FBN3: variants seen among roughly 807,000 people sequenced by gnomAD.
FBN3 encodes fibrillin-3.
A neutral mutation model predicts 330.1 loss-of-function variants in FBN3; 234 were observed. The ratio of observed to expected loss-of-function variants is 0.71; its 90% CI spans 0.64 to 0.79. The LOEUF (loss-of-function observed/expected upper bound fraction) is 0.79. Among genes scored for constraint, FBN3 ranks in the 30% least tolerant of loss-of-function variants. FBN3 has a pLI of 0.00. For synonymous variants in FBN3, 1,458 were observed against 1,517.3 expected (o/e 0.96, Z 0.91); for missense variants, 3,606 against 3,886.9 (o/e 0.93, Z 1.92).
chr19:8,072,156 G>C lies in FBN3; in HGVS notation c.7980C>G (p.Asp2660Glu), dbSNP rs764500258. The C allele has an allele frequency of 5.6e-6, 9 of 1,595,916 alleles. No homozygotes were observed. The highest frequency in any genetic ancestry group is 7.7e-6 in the Non-Finnish European group (9 of 1,171,572). ...AGAGCAGCTCCTCTTTGTCCGGGGT[G>C]TCCTGGGGTCCGGGGCTGAAGCCCA... ...SGLGFSPGPQDTPDKEELLSS... is the reference protein window; with the variant it reads ...SGLGFSPGPQETPDKEELLSS... The change falls in exon 63 of 64, where the codon GAC becomes GAG. Residue 2660 changes from aspartate (D) to glutamate (E), a missense_variant. Coordinates refer to ENST00000600128, the MANE Select transcript of FBN3 (RefSeq NM_032447.5).
chr19:8,129,675 C>T lies in FBN3; in HGVS notation c.2045-310G>A, dbSNP rs111880411. Among the ~76,000 whole-genome samples the T allele has an allele frequency of 2.9e-3, 442 of 152,216 alleles. 1 individual carries two copies. The highest frequency in any genetic ancestry group is 0.01 in the African/African-American group (417 of 41,544). On this transcript the variant is annotated intron_variant, in intron 16 of 63. Transcript: ENST00000600128. This position sits in a 1 kb window ranked among gnomAD's most constrained non-coding sequence, Gnocchi z 4.5. ...GCCCCAGTATTACTCCAGACATTGT[C>T]AAATGACCTCGGTGGGGCAGGGGCC...
Position 8,147,156 on chromosome 19 carries a change from G to A in FBN3, c.198C>T (p.Ala66=), listed in dbSNP as rs2083566359. The A allele has an allele frequency of 1.3e-6, 2 of 1,573,338 alleles. No homozygotes were observed. The highest frequency in any genetic ancestry group is 3.7e-5 in the Admixed American group (2 of 53,764). The change falls in exon 3 of 64, where the codon GCC becomes GCT. Residue 66 remains alanine, a synonymous_variant. Coordinates refer to ENST00000600128, the MANE Select transcript of FBN3 (RefSeq NM_032447.5). ...GPNVCGSRFH[A]YCCPGWRTFP... is the part of the protein sequence containing the mutation. ...ATGTCCTCCAGCCTGGACAGCAGTA[G>A]GCATGGAACCGGGAGCCGCACACAT...
At position 8,131,842 on chromosome 19, in the gene FBN3, T is replaced by G. The variant is rs755579765; in HGVS notation, c.1715-13A>C. ...CACTCGTCAATGTCTGCAGAAGCAG[T>G]GGCGGCACGGGGATGGGTTCCAGCG... is the stretch of plus-strand genomic sequence containing the variant. On this transcript the variant is annotated splice_polypyrimidine_tract_variant and intron_variant, in intron 14 of 63. Coordinates refer to ENST00000600128, the MANE Select transcript of FBN3 (RefSeq NM_032447.5). The surrounding 1 kb of genome is among the most constrained non-coding windows in gnomAD (Gnocchi z 4.5). The G allele has an allele frequency of 6.4e-7, 1 of 1,568,686 alleles. No homozygotes were observed. Among genetic ancestry groups the G allele is most frequent in the Non-Finnish European group, 8.7e-7 (1 of 1,152,214 alleles).
intron 59 of FBN3, among the ~76,000 whole-genome samples, chr19:8,076,954 G>A (rs1227480029): frequency 4.6e-5 from 7 of 152,082 alleles, no homozygotes; most frequent in South Asian, 4.1e-4. Context: ...TGGGGACTAC[G>A]TTGTCCACTA....
At position 8,131,648 on chromosome 19, in the gene FBN3, G is replaced by A. The variant is rs1385714723; in HGVS notation, c.1896C>T (p.Pro632=). The A allele has an allele frequency of 6.2e-7, 1 of 1,614,122 alleles. No individual in the cohort carries two copies. The highest frequency in any genetic ancestry group is 1.3e-5 in the African/African-American group (1 of 74,962). Residue 632 remains proline (P), a synonymous_variant, in exon 15 of 64, where the codon CCC becomes CCT. Transcript: ENST00000600128. The surrounding 1 kb of genome is among the most constrained non-coding windows in gnomAD (Gnocchi z 4.5). ...CGGACTTGGTGACAGTGCCAGGGAA[G>A]GGGCGGGCACAGGAGCCCTTCTCGA... ...GAIEKGSCAR[P]FPGTVTKSEC... is the part of the protein sequence containing the mutation.
chr19:8,095,812 T>C lies in FBN3; in HGVS notation c.5656+152A>G. The C allele has an allele frequency of 5.0e-6, 3 of 594,080 alleles. No homozygotes were observed. In the East Asian group the frequency reaches 8.4e-5, roughly 17 times the overall value. 36.8% of individuals were successfully genotyped at this position (594,080 alleles called of 1,614,324 possible). The stretch of plus-strand genomic sequence containing the variant: ...AATATTTTCTAATTTTCCTTATGAT[T>C]TATTTGACCTATGGATTATTTAGGA... On this transcript the variant is annotated intron_variant, in intron 45 of 63. Transcript: ENST00000600128.
At chr19:8,130,442 T>C (rs1599414863) in intron 16 of FBN3, among the ~76,000 whole-genome samples, 1 of 136,096 alleles carries the variant, frequency 7.3e-6, no homozygotes, top group African/African-American at 2.8e-5. Context: ...ACCCAGGAGG[T>C]GGAGGTTGCA....
At chr19:8,100,425 C>T (rs1399662910) in intron 41 of FBN3, among the ~76,000 whole-genome samples, 2 of 152,062 alleles carry the variant, frequency 1.3e-5, no homozygotes, top group African/African-American at 2.4e-5. Context: ...GCAACCTTTG[C>T]CTCCTGGGTT....
intron 6 of FBN3, among the ~76,000 whole-genome samples, chr19:8,143,492 C>CTTTTTTTTTTTTTTT (rs1472260736): frequency 1.6e-5 from 2 of 122,790 alleles, no homozygotes; most frequent in African/African-American, 6.8e-5. Context: ...TTTTTCTTTT[C>CTTTTTTTTTTTTTTT]TTTTCTTTTT....
chr19:8,118,991 G>C lies in FBN3; in HGVS notation c.3243C>G (p.Leu1081=), dbSNP rs1347808273. Residue 1081 remains leucine, a synonymous_variant, in exon 26 of 64, where the codon CTC becomes CTG. Coordinates refer to ENST00000600128, the MANE Select transcript of FBN3 (RefSeq NM_032447.5). ...TGTTGGTGCAAGTGCCTCCCCGGCA[G>C]AGCAGCGGGTCCCTTGCACACTCGT... ...DVDECARDPL[L]CRGGTCTNTD... is the part of the protein sequence containing the mutation. 3.1e-6 allele frequency: 5 copies of C among 1,609,426 alleles called. No individual in the cohort carries two copies. In the South Asian group the frequency reaches 3.3e-5, roughly 11 times the overall value.
At position 8,089,976 on chromosome 19, in the gene FBN3, A is replaced by C; in HGVS notation, c.6185-17T>G. On this transcript the variant is annotated splice_polypyrimidine_tract_variant and intron_variant, in intron 49 of 63. Coordinates refer to ENST00000600128, the MANE Select transcript of FBN3 (RefSeq NM_032447.5). ...GAAAGGCAGCTGGACGGAGAGGGGGAGGGGAGTCAGAGTCAGGGCCTAGGT... is the reference window on the plus strand; with the variant it reads ...GAAAGGCAGCTGGACGGAGAGGGGGCGGGGAGTCAGAGTCAGGGCCTAGGT... 6.2e-7 allele frequency: 1 copy of C among 1,607,040 alleles called. No individual in the cohort carries two copies. Among genetic ancestry groups the C allele is most frequent in the Non-Finnish European group, 8.5e-7 (1 of 1,178,096 alleles).
At position 8,125,992 on chromosome 19, in the gene FBN3, C is replaced by T. The variant is rs770556271; in HGVS notation, c.2631G>A (p.Pro877=). The part of the protein sequence containing the change: ...CDDVNECESF[P]GVCPNGRCVN... ...CGCAACGCCCGTTGGGACAGACTCC[C>T]GGGAAGGACTCACACTCGTTCACAT... Residue 877 remains proline (P), a synonymous_variant, in exon 22 of 64, where the codon CCG becomes CCA. Coordinates refer to ENST00000600128, the MANE Select transcript of FBN3 (RefSeq NM_032447.5). 13 of 1,613,910 alleles carry T rather than the reference C, an allele frequency of 8.1e-6. No individual in the cohort carries two copies. Among genetic ancestry groups the T allele is most frequent in the Admixed American group, 3.3e-5 (2 of 59,980 alleles).
chr19:8,115,768 ACT>A lies in FBN3; in HGVS notation c.3713-130_3713-129del. On this transcript the variant is annotated intron_variant, in intron 29 of 63. Transcript: ENST00000600128. ...CGCCGCACAGGTCCTCTCTGCTAGGACTCTCTTTCTTTTCTCCAGGGGCGGGG... is the reference window on the plus strand; with the variant it reads ...CGCCGCACAGGTCCTCTCTGCTAGGACTCTTTCTTTTCTCCAGGGGCGGGG... 8 of 1,080,666 alleles carry A rather than the reference ACT, an allele frequency of 7.4e-6. No homozygotes were observed. In the South Asian group the frequency reaches 1.1e-4, roughly 15 times the overall value. The allele number at this position is 1,080,666 out of a possible 1,614,324, so 66.9% of individuals were successfully genotyped here.
At chr19:8,124,070 C>A in intron 22 of FBN3, 62 bp from the exon 23 acceptor site, 1 of 1,399,122 alleles carries the variant, frequency 7.1e-7, no homozygotes, top group South Asian at 1.2e-5. Context: ...GCGGGACAGG[C>A]GTGCCGCTCA....
chr19:8,105,635 A>C (rs1287258458), intron 38 of FBN3, among the ~76,000 whole-genome samples: 2 of 152,196 alleles, frequency 1.3e-5, no homozygotes, highest in African/African-American at 4.8e-5. Flanking sequence ...AGAAAAGTGT[A>C]ATAAAGTATT....
At position 8,109,094 on chromosome 19, in the gene FBN3, C is replaced by T; in HGVS notation, c.4618+133G>A. 1.3e-6 allele frequency: 1 copy of T among 788,976 alleles called. No homozygotes were observed. The highest frequency in any genetic ancestry group is 2.0e-6 in the Non-Finnish European group (1 of 501,986). The allele number at this position is 788,976 out of a possible 1,614,324, so 48.9% of individuals were successfully genotyped here. Reference sequence around the variant, plus strand: ...GTACACTGTGTGACCCAGGATGAGCCCCTCTCCTCCCCCAGTTCTTGGTTT... The same window carrying T: ...GTACACTGTGTGACCCAGGATGAGCTCCTCTCCTCCCCCAGTTCTTGGTTT... On this transcript the variant is annotated intron_variant, in intron 36 of 63. Transcript: ENST00000600128. The surrounding 1 kb of genome is among the most constrained non-coding windows in gnomAD (Gnocchi z 5.2).
intron 26 of FBN3, among the ~76,000 whole-genome samples, chr19:8,117,992 AG>A (rs2082745668): frequency 6.6e-6 from 1 of 151,984 alleles, no homozygotes; most frequent in Non-Finnish European, 1.5e-5. Flanking sequence ...ATCCACACCC[AG>A]GGGCACACTC....
At chr19:8,078,836 C>CA (rs1445994367) in intron 59 of FBN3, among the ~76,000 whole-genome samples, 1 of 149,620 alleles carries the variant, frequency 6.7e-6, no homozygotes, top group Non-Finnish European at 1.5e-5. Context: ...GGCTGGACTG[C>CA]AGTGGTATGA....
Position 8,115,548 on chromosome 19 carries a change from A to G in FBN3, c.3805T>C (p.Tyr1269His). The change falls in exon 30 of 64, where the codon TAC becomes CAC. Residue 1269 changes from tyrosine to histidine, a missense_variant. Tyr to His is a moderately conservative substitution (Grantham distance 83). Coordinates refer to ENST00000600128, the MANE Select transcript of FBN3 (RefSeq NM_032447.5). ...GSFVCHCQLG[Y>H]MVRKGATGCS... is the part of the protein sequence containing the mutation. ...CCTGTGGCCCCCTTCCTGACCATGT[A>G]GCCCAGCTGACAGTGGCAGACAAAG... 1 of 1,614,014 alleles carries G rather than the reference A, an allele frequency of 6.2e-7. No individual in the cohort carries two copies. Among genetic ancestry groups the G allele is most frequent in the South Asian group, 1.1e-5 (1 of 91,070 alleles).
Sources: allele counts gnomAD v4.1 joint callset (sites outside exome capture counted in the v4.1 genomes callset), GRCh38; gene constraint gnomAD v4.1.1; non-coding constraint Gnocchi (gnomAD v3.1); transcripts MANE v1.5; gene names NCBI Gene and HGNC (gene_info 2026-07-23, HGNC 2026-07-21).